Variants in ATP1B3 observed in about 807,000 individuals in gnomAD.
ATP1B3 encodes the protein ATPase Na+/K+ transporting subunit beta 3.
Under a neutral mutation model 30.2 loss-of-function variants are expected in ATP1B3, and 10 were observed. The ratio of observed to expected loss-of-function variants is 0.33; its 90% CI spans 0.20 to 0.56. The LOEUF (loss-of-function observed/expected upper bound fraction) is 0.56. Ranked by LOEUF, ATP1B3 falls within the 20% of genes least tolerant of loss-of-function variation. ATP1B3 has a pLI of 0.90. For synonymous variants in ATP1B3, 113 were observed against 117.0 expected (o/e 0.97, Z 0.22); for missense variants, 238 against 336.7 (o/e 0.71, Z 2.29).
At chr3:141,877,660 T>G (rs1031564015) in intron 1 of ATP1B3, 70 of 152,046 alleles carry the variant, frequency 4.6e-4, no homozygotes, top group African/African-American at 1.5e-3. Context: ...AACACAGGTT[T>G]TTTTTTTTTT....
chr3:141,910,403 A>G (rs781288208), intron 3 of ATP1B3, among the ~76,000 whole-genome samples: 1 of 151,686 alleles, frequency 6.6e-6, no homozygotes, highest in Admixed American at 6.6e-5. Flanking sequence ...CTACATTATC[A>G]CTTTTCTTTA....
chr3:141,884,042 G>T (rs1440975691), intron 1 of ATP1B3, among the ~76,000 whole-genome samples: 8 of 152,124 alleles, frequency 5.3e-5, no homozygotes, highest in African/African-American at 1.9e-4. Flanking sequence ...CTGCTTTTAT[G>T]AGACCCTCAT....
At position 141,889,744 on chromosome 3, in the gene ATP1B3, A is replaced by T. The variant is rs1468281534; in HGVS notation, c.109+12834A>T. On this transcript the variant is annotated intron_variant, in intron 1 of 6. Coordinates refer to ENST00000286371, the MANE Select transcript of ATP1B3 (RefSeq NM_001679.4). ...ACTCCGTCTCAAAAAAAAAAAAAAAAAAAAAAATATATACACACACACACA... is the reference window on the plus strand; with the variant it reads ...ACTCCGTCTCAAAAAAAAAAAAAAATAAAAAAATATATACACACACACACA... 3.9e-4 allele frequency among the ~76,000 whole-genome samples: 38 copies of T among 98,496 alleles called. 2 individuals carry two copies. Among genetic ancestry groups the T allele is most frequent in the African/African-American group, 1.3e-3 (34 of 25,542 alleles). The allele number at this position is 98,496 out of a possible 152,430, so 64.6% of individuals were successfully genotyped here.
chr3:141,890,291 T>C (rs1193858263), intron 1 of ATP1B3, among the ~76,000 whole-genome samples: 285 of 18,926 alleles, frequency 0.015, 32 homozygotes, highest in African/African-American at 0.028. Flanking sequence ...GGGGCTTTTT[T>C]TTTTTTTTTT....
intron 1 of ATP1B3, among the ~76,000 whole-genome samples, chr3:141,877,227 A>ACTCCTGCCCGAAGCCGGGCC (rs1933619756): frequency 6.6e-6 from 1 of 150,506 alleles, no homozygotes; most frequent in Non-Finnish European, 1.5e-5. Context: ...GAAGCCGGGG[A>ACTCCTGCCCGAAGCCGGGCC]CCCCTGCCCG....
At position 141,884,866 on chromosome 3, in the gene ATP1B3, CTCT is replaced by C. The variant is rs546768907; in HGVS notation, c.109+7964_109+7966del. Among the ~76,000 whole-genome samples, 36 of 152,254 alleles carry C rather than the reference CTCT, an allele frequency of 2.4e-4. No individual in the cohort carries two copies. In the South Asian group the frequency reaches 6.4e-3, roughly 27 times the overall value. ...CAGGTGCTGTCTTTGGCCTTGTTTT[CTCT>C]TCTTCTTTCCTGGCAATGTCATATA... On this transcript the variant is annotated intron_variant, in intron 1 of 6. Coordinates refer to ENST00000286371, the MANE Select transcript of ATP1B3 (RefSeq NM_001679.4).
intron 5 of ATP1B3, among the ~76,000 whole-genome samples, chr3:141,920,388 A>G (rs921691738): frequency 2.6e-5 from 4 of 152,102 alleles, no homozygotes; most frequent in East Asian, 1.9e-4. Flanking sequence ...TCAGCCCTGC[A>G]TGGTGGCGCA....
chr3:141,915,943 A>C (rs1340453012), intron 4 of ATP1B3, 27 bp from the exon 5 acceptor site: 6 of 1,579,944 alleles, frequency 3.8e-6, no homozygotes, highest in Non-Finnish European at 5.2e-6. Flanking sequence ...CGTGAAGTTT[A>C]AATTTATCAC....
chr3:141,908,065 ATTCTT>A (rs1934293453), intron 3 of ATP1B3, among the ~76,000 whole-genome samples: 1 of 92,218 alleles, frequency 1.1e-5, no homozygotes, highest in African/African-American at 4.7e-5. Context: ...TGTGCCAGGC[ATTCTT>A]TTTTTTTTTT....
intron 3 of ATP1B3, among the ~76,000 whole-genome samples, chr3:141,911,880 A>G (rs6799078): frequency 0.37 from 56,127 of 151,994 alleles, 10,811 homozygotes; most frequent in East Asian, 0.65. Flanking sequence ...TGTTCCCATC[A>G]TGCCTTCTGC....
At chr3:141,904,866 C>A (rs549919254) in intron 2 of ATP1B3, among the ~76,000 whole-genome samples, 1 of 151,884 alleles carries the variant, frequency 6.6e-6, no homozygotes, top group South Asian at 2.1e-4. Context: ...TGTGTCACCA[C>A]GCCCAGCTAA....
chr3:141,898,078 C>G (rs754855286), intron 1 of ATP1B3, among the ~76,000 whole-genome samples: 12 of 152,222 alleles, frequency 7.9e-5, no homozygotes, highest in Non-Finnish European at 1.8e-4. Context: ...AGGTGGACCC[C>G]TACCTCAAAC....
intron 4 of ATP1B3, among the ~76,000 whole-genome samples, chr3:141,915,367 G>A (rs1374761993): frequency 1.3e-5 from 2 of 152,114 alleles, no homozygotes; most frequent in Admixed American, 6.5e-5. Context: ...GTGCATTCAC[G>A]TGGAAACTGT....
intron 1 of ATP1B3, among the ~76,000 whole-genome samples, chr3:141,901,275 G>A (rs532142891): frequency 3.5e-4 from 53 of 152,300 alleles, no homozygotes; most frequent in Non-Finnish European, 6.2e-4. Flanking sequence ...TCAGGACGCC[G>A]CCATTTAGAG....
chr3:141,912,089 A>C (rs1221146620), intron 3 of ATP1B3, among the ~76,000 whole-genome samples: 2 of 152,096 alleles, frequency 1.3e-5, no homozygotes, highest in Non-Finnish European at 2.9e-5. Context: ...TATAAAGTTT[A>C]TCTCTACCCC....
At chr3:141,911,138 C>T (rs920540467) in intron 3 of ATP1B3, among the ~76,000 whole-genome samples, 2 of 151,994 alleles carry the variant, frequency 1.3e-5, no homozygotes, top group African/African-American at 4.8e-5. Context: ...GGGAATTATC[C>T]TCTGTTACCA....
At position 141,920,186 on chromosome 3, in the gene ATP1B3, C is replaced by T. The variant is rs150580713; in HGVS notation, c.583-1791C>T. Among the ~76,000 whole-genome samples the T allele has an allele frequency of 1.1e-3, 170 of 152,186 alleles. 2 individuals carry two copies. Among genetic ancestry groups the T allele is most frequent in the African/African-American group, 4.0e-3 (167 of 41,516 alleles). The stretch of plus-strand genomic sequence containing the variant: ...GAGCCGTGATGGCCTTAACTCTGAG[C>T]CCCAGTGCCCTGCTCCGTAATTGAT... On this transcript the variant is annotated intron_variant, in intron 5 of 6. Coordinates refer to ENST00000286371, the MANE Select transcript of ATP1B3 (RefSeq NM_001679.4).
intron 1 of ATP1B3, among the ~76,000 whole-genome samples, chr3:141,890,738 A>G (rs1933935454): frequency 1.4e-5 from 2 of 143,644 alleles, no homozygotes; most frequent in Non-Finnish European, 3.0e-5. Flanking sequence ...ACGCCCACCT[A>G]ATTTTTGTAT....
intron 1 of ATP1B3, among the ~76,000 whole-genome samples, chr3:141,891,684 C>A (rs1408519120): frequency 1.3e-5 from 2 of 151,978 alleles, no homozygotes; most frequent in African/African-American, 4.8e-5. Flanking sequence ...AGCTAAAAAT[C>A]TGGCTTTTTT....
Sources: allele counts gnomAD v4.1 joint callset (sites outside exome capture counted in the v4.1 genomes callset), GRCh38; gene constraint gnomAD v4.1.1; transcripts MANE v1.5; gene names NCBI Gene and HGNC (gene_info 2026-07-23, HGNC 2026-07-21).